CACNA1D: variants seen among roughly 807,000 people sequenced by gnomAD.
The protein encoded by CACNA1D is voltage-dependent L-type calcium channel subunit alpha-1D.
A neutral mutation model predicts 257.1 loss-of-function variants in CACNA1D; 55 were observed. That is an observed-to-expected ratio of 0.21 (90% CI 0.17 to 0.27). CACNA1D has a LOEUF of 0.27. CACNA1D is among the 10% of genes least tolerant of loss of function. CACNA1D has a pLI of 1.00. For synonymous variants in CACNA1D, 980 were observed against 1,014.9 expected (o/e 0.97, Z 0.65); for missense variants, 1,876 against 2,784.0 (o/e 0.67, Z 7.34).
intron 8 of CACNA1D, among the ~76,000 whole-genome samples, chr3:53,696,182 G>A (rs565562666): frequency 6.6e-6 from 1 of 152,272 alleles, no homozygotes; most frequent in Non-Finnish European, 1.5e-5. Flanking sequence ...TGCCCATGCT[G>A]GTCTCGAACT....
intron 3 of CACNA1D, among the ~76,000 whole-genome samples, chr3:53,595,202 G>T (rs190141154): frequency 2.6e-5 from 4 of 152,320 alleles, no homozygotes; most frequent in Non-Finnish European, 4.4e-5. Context: ...GTCCCCCTTA[G>T]GGTTAATAAT....
At chr3:53,724,669 C>CT (rs925297180) in intron 14 of CACNA1D, among the ~76,000 whole-genome samples, 37 of 152,320 alleles carry the variant, frequency 2.4e-4, no homozygotes, top group African/African-American at 8.7e-4. Context: ...TGGACAGGGT[C>CT]TGATGGGGAA....
intron 3 of CACNA1D, among the ~76,000 whole-genome samples, chr3:53,642,394 C>G (rs2093966581): frequency 6.6e-6 from 1 of 152,232 alleles, no homozygotes; most frequent in Non-Finnish European, 1.5e-5. Context: ...GAGCTTATGC[C>G]TATCCCCGAA....
chr3:53,687,540 A>G (rs1467237156), intron 8 of CACNA1D, among the ~76,000 whole-genome samples: 2 of 151,968 alleles, frequency 1.3e-5, no homozygotes, highest in African/African-American at 2.4e-5. Context: ...AATAAGCTGG[A>G]GAAACTGGGT....
chr3:53,610,336 G>C (rs1490865131), intron 3 of CACNA1D, among the ~76,000 whole-genome samples: 1 of 152,210 alleles, frequency 6.6e-6, no homozygotes, highest in Non-Finnish European at 1.5e-5. Flanking sequence ...AGAGAGGAAT[G>C]TTGAAGTTCC....
At chr3:53,714,759 C>G (rs2094801028) in intron 9 of CACNA1D, among the ~76,000 whole-genome samples, 1 of 152,140 alleles carries the variant, frequency 6.6e-6, no homozygotes, top group Non-Finnish European at 1.5e-5. Context: ...AGCTGTGTGT[C>G]CCAAGGCATT....
At chr3:53,582,504 A>G (rs2093149793) in intron 3 of CACNA1D, among the ~76,000 whole-genome samples, 1 of 151,934 alleles carries the variant, frequency 6.6e-6, no homozygotes, top group African/African-American at 2.4e-5. Context: ...GGGGCATTAG[A>G]GCTTGACTTG....
intron 3 of CACNA1D, among the ~76,000 whole-genome samples, chr3:53,507,321 AT>A (rs1193912322): frequency 6.6e-6 from 1 of 152,032 alleles, no homozygotes; most frequent in Non-Finnish European, 1.5e-5. Context: ...CTTAATTGAG[AT>A]TTGTGGCTGG....
At chr3:53,720,385 T>C (rs939123944) in intron 11 of CACNA1D, among the ~76,000 whole-genome samples, 5 of 152,238 alleles carry the variant, frequency 3.3e-5, no homozygotes, top group Admixed American at 1.3e-4. Context: ...ACACCCAGTA[T>C]ACTTTCTGTA....
chr3:53,700,203 A>T (rs1373251121), intron 8 of CACNA1D, among the ~76,000 whole-genome samples: 1 of 151,464 alleles, frequency 6.6e-6, no homozygotes, highest in Non-Finnish European at 1.5e-5. Flanking sequence ...TATCTTCATA[A>T]TTTTTTTCCC....
At chr3:53,570,661 C>T (rs1037760415) in intron 3 of CACNA1D, among the ~76,000 whole-genome samples, 2 of 152,232 alleles carry the variant, frequency 1.3e-5, no homozygotes, top group African/African-American at 4.8e-5. Flanking sequence ...TGCAAACATA[C>T]ACATCCGTGT....
intron 45 of CACNA1D, 153 bp from the exon 46 acceptor site, chr3:53,808,496 T>C: frequency 1.2e-6 from 1 of 824,722 alleles, no homozygotes; most frequent in Non-Finnish European, 2.0e-6. Context: ...CCTACTAAAG[T>C]TTGGAGACCT....
At chr3:53,576,214 C>T (rs79401907) in intron 3 of CACNA1D, among the ~76,000 whole-genome samples, 2,563 of 152,150 alleles carry the variant, frequency 0.017, 56 homozygotes, top group African/African-American at 0.058. Context: ...TGGCCCATGA[C>T]GAAGTTGAAA....
In CACNA1D at chr3:53,732,227, G is replaced by A. The variant is rs768930564; in HGVS notation, c.2473+145G>A. 29 of 714,618 alleles carry A rather than the reference G, an allele frequency of 4.1e-5. No individual in the cohort carries two copies. The Middle Eastern group carries it at 1.1e-3, about 27-fold the overall frequency. 44.3% of individuals were successfully genotyped at this position (714,618 alleles called of 1,614,324 possible). The stretch of plus-strand genomic sequence containing the variant: ...CCAAGGCCGTGGGACCAGTTAGCTC[G>A]CCTTTTTCCCATGGTCACAGGCAGA... On this transcript the variant is annotated intron_variant, in intron 18 of 47. Transcript: ENST00000350061.
chr3:53,578,354 GC>G lies in CACNA1D; in HGVS notation c.484-72422del, dbSNP rs374293627. On this transcript the variant is annotated intron_variant, in intron 3 of 47. Coordinates refer to ENST00000350061, the MANE Select transcript of CACNA1D (RefSeq NM_001128840.3). ...GCAGAGTGGGGTGGAAGGAGGAGTG[GC>G]CCAGCAGAGGTGAGGGAGAGGGAGC... Among the ~76,000 whole-genome samples the G allele has an allele frequency of 6.7e-3, 1,018 of 152,186 alleles. 19 individuals carry two copies. The highest frequency in any genetic ancestry group is 0.024 in the African/African-American group (976 of 41,506).
chr3:53,517,855 G>T (rs1161320604), intron 3 of CACNA1D, among the ~76,000 whole-genome samples: 1 of 152,232 alleles, frequency 6.6e-6, no homozygotes, highest in Non-Finnish European at 1.5e-5. Flanking sequence ...TACTGTGCTT[G>T]TGACATGCAA....
intron 3 of CACNA1D, among the ~76,000 whole-genome samples, chr3:53,607,501 A>G (rs2093527253): frequency 6.6e-6 from 1 of 152,244 alleles, no homozygotes; most frequent in African/African-American, 2.4e-5. Flanking sequence ...AGACAGGGAA[A>G]GGAGGCCATG....
chr3:53,658,999 C>T (rs960880531), intron 4 of CACNA1D, among the ~76,000 whole-genome samples: 1 of 152,222 alleles, frequency 6.6e-6, no homozygotes, highest in Non-Finnish European at 1.5e-5. Context: ...AATCCAGAGG[C>T]ACGCCAGTGG....
Position 53,753,636 on chromosome 3 carries a change from T to A in CACNA1D, c.3740T>A (p.Val1247Glu). The part of the protein sequence containing the change: ...MDILNMVFTG[V>E]FTVEMVLKVI... ...ATTCTGAACATGGTCTTCACCGGGG[T>A]GTTCACCGTCGAGATGGTTTTGAAA... Residue 1247 changes from valine (V) to glutamate (E), a missense_variant, in exon 29 of 48, where the codon GTG (valine) becomes GAG (glutamate). Coordinates refer to ENST00000350061, the MANE Select transcript of CACNA1D (RefSeq NM_001128840.3). 1 of 1,613,818 alleles carries A rather than the reference T, an allele frequency of 6.2e-7. No individual in the cohort carries two copies. Among genetic ancestry groups the A allele is most frequent in the Non-Finnish European group, 8.5e-7 (1 of 1,179,678 alleles).
Sources: gnomAD v4.1 joint callset for allele counts (sites outside exome capture counted in the v4.1 genomes callset) on GRCh38, gnomAD v4.1.1 for gene constraint, MANE v1.5 for transcripts, NCBI Gene and HGNC (gene_info 2026-07-23, HGNC 2026-07-21) for gene names.